GPC6: variants seen among roughly 807,000 people sequenced by gnomAD.
The protein encoded by GPC6 is glypican 6.
GPC6 carries 14 observed loss-of-function variants against 55.2 expected under a neutral mutation model. That is an observed-to-expected ratio of 0.25 (90% CI 0.17 to 0.40). The LOEUF (loss-of-function observed/expected upper bound fraction) is 0.40. Ranked by LOEUF, GPC6 falls within the 10% of genes least tolerant of loss-of-function variation. The probability of loss-of-function intolerance (pLI) is 1.00; values close to 1 mark genes in which losing one functional copy is unlikely to be tolerated. For missense variants in GPC6, 641 were observed against 708.5 expected (o/e 0.90, Z 1.08); for synonymous variants, 278 against 259.6 (o/e 1.07, Z -0.68).
chr13:94,144,052 A>G (rs148747722), intron 4 of GPC6, among the ~76,000 whole-genome samples: 60 of 152,270 alleles, frequency 3.9e-4, no homozygotes, highest in Admixed American at 1.5e-3. Flanking sequence ...AATGGTGAAA[A>G]GAAGACGTTT....
At chr13:94,080,815 A>G (rs543309521) in intron 4 of GPC6, among the ~76,000 whole-genome samples, 1 of 152,312 alleles carries the variant, frequency 6.6e-6, no homozygotes, top group Admixed American at 6.5e-5. Context: ...TTTCTTTCCC[A>G]AAACTTGATC....
chr13:93,353,438 G>C (rs1382863264), intron 1 of GPC6, among the ~76,000 whole-genome samples: 1 of 152,110 alleles, frequency 6.6e-6, no homozygotes, highest in African/African-American at 2.4e-5. Flanking sequence ...GTGGGGTCCT[G>C]GTGTCCCTCG....
chr13:94,276,559 T>A (rs1341037295), intron 4 of GPC6, among the ~76,000 whole-genome samples: 3 of 152,168 alleles, frequency 2.0e-5, no homozygotes, highest in Non-Finnish European at 2.9e-5. Flanking sequence ...GGTGGTTTCC[T>A]GCACCTGTTG....
At chr13:93,596,412 T>A (rs1327184655) in intron 2 of GPC6, among the ~76,000 whole-genome samples, 1 of 151,910 alleles carries the variant, frequency 6.6e-6, no homozygotes, top group East Asian at 1.9e-4. Flanking sequence ...ATTGAGTGAT[T>A]CCATAGTATC....
At chr13:93,559,286 G>A (rs188236711) in intron 2 of GPC6, among the ~76,000 whole-genome samples, 24 of 152,218 alleles carry the variant, frequency 1.6e-4, no homozygotes, top group Non-Finnish European at 3.5e-4. Flanking sequence ...AAAGGCAAAT[G>A]TCTATTGAAA....
chr13:94,202,227 A>C (rs1194256068), intron 4 of GPC6, among the ~76,000 whole-genome samples: 4 of 152,236 alleles, frequency 2.6e-5, no homozygotes, highest in African/African-American at 9.6e-5. Flanking sequence ...TTAGCATATC[A>C]AGAACTAAAT....
chr13:94,024,190 C>T lies in GPC6; in HGVS notation c.712-3539C>T, dbSNP rs576928138. Reference sequence around the variant, plus strand: ...CTGAGGTCTACAGACTAGTTAATAGCAATGTACTAATGTCACTTTCCTCAT... The same window carrying T: ...CTGAGGTCTACAGACTAGTTAATAGTAATGTACTAATGTCACTTTCCTCAT... On this transcript the variant is annotated intron_variant, in intron 3 of 8. Coordinates refer to ENST00000377047, the MANE Select transcript of GPC6 (RefSeq NM_005708.5). Among the ~76,000 whole-genome samples the T allele has an allele frequency of 7.3e-4, 111 of 151,634 alleles. 1 individual carries two copies. In the South Asian group the frequency reaches 0.023, roughly 31 times the overall value.
At chr13:93,272,226 A>T (rs1877554235) in intron 1 of GPC6, among the ~76,000 whole-genome samples, 1 of 152,066 alleles carries the variant, frequency 6.6e-6, no homozygotes, top group African/African-American at 2.4e-5. Flanking sequence ...ATTATAGTTC[A>T]GTGGTAATTT....
chr13:94,317,233 G>C (rs1288495572), intron 6 of GPC6, among the ~76,000 whole-genome samples: 2 of 152,208 alleles, frequency 1.3e-5, no homozygotes, highest in Non-Finnish European at 2.9e-5. Context: ...ATTTATGCAT[G>C]ATGAGGCAGG....
intron 2 of GPC6, among the ~76,000 whole-genome samples, chr13:93,654,997 C>T (rs891243861): frequency 7.9e-6 from 1 of 125,838 alleles, no homozygotes; most frequent in East Asian, 2.4e-4. Context: ...CTACCATGCC[C>T]GGCTAATTTT....
At chr13:93,444,482 C>A (rs1877924793) in intron 1 of GPC6, among the ~76,000 whole-genome samples, 1 of 152,082 alleles carries the variant, frequency 6.6e-6, no homozygotes, top group Admixed American at 6.6e-5. Flanking sequence ...TGGCATGAGC[C>A]TGTAGTCCCA....
chr13:94,328,142 A>C (rs1877220664), intron 6 of GPC6, among the ~76,000 whole-genome samples: 1 of 152,102 alleles, frequency 6.6e-6, no homozygotes, highest in Non-Finnish European at 1.5e-5. Context: ...TACATGAGAA[A>C]CTTATTAAAA....
intron 4 of GPC6, among the ~76,000 whole-genome samples, chr13:94,213,283 A>G (rs1356268331): frequency 2.6e-5 from 4 of 152,234 alleles, no homozygotes; most frequent in African/African-American, 9.6e-5. Flanking sequence ...CAGCATGACT[A>G]AGGTCAATAA....
At chr13:93,675,510 C>T (rs779874636) in intron 2 of GPC6, among the ~76,000 whole-genome samples, 1 of 152,070 alleles carries the variant, frequency 6.6e-6, no homozygotes, top group Non-Finnish European at 1.5e-5. Context: ...TAGTTGTATA[C>T]TTCACCATTG....
rs543665866 is a variant in GPC6 at position 93,967,419 on chromosome 13, A to G, written c.712-60310A>G. ...AAAACTGTACTGTTTCCCAGCACCA[A>G]ATATGCTTACATATTGGAAATGATT... On this transcript the variant is annotated intron_variant, in intron 3 of 8. Coordinates refer to ENST00000377047, the MANE Select transcript of GPC6 (RefSeq NM_005708.5). 2.3e-3 allele frequency among the ~76,000 whole-genome samples: 343 copies of G among 152,346 alleles called. 1 individual carries two copies. The highest frequency in any genetic ancestry group is 3.9e-3 in the Non-Finnish European group (265 of 68,028).
intron 2 of GPC6, among the ~76,000 whole-genome samples, chr13:93,790,606 C>T (rs573688682): frequency 4.7e-4 from 71 of 152,236 alleles, no homozygotes; most frequent in African/African-American, 1.0e-3. Flanking sequence ...AGTTATCTCC[C>T]TTTAATTCAA....
At chr13:93,739,499 G>A (rs1049883815) in intron 2 of GPC6, among the ~76,000 whole-genome samples, 2 of 147,210 alleles carry the variant, frequency 1.4e-5, no homozygotes, top group African/African-American at 2.5e-5. Context: ...GTGCGATTTC[G>A]GCTCACTGCA....
chr13:94,054,795 A>G (rs78766745), intron 4 of GPC6, among the ~76,000 whole-genome samples: 20,275 of 152,148 alleles, frequency 0.13, 1,734 homozygotes, highest in South Asian at 0.21. Flanking sequence ...AATTTCTTAT[A>G]TTAATCTGTC....
intron 1 of GPC6, chr13:93,395,388 C>A: frequency 3.0e-6 from 1 of 335,334 alleles, no homozygotes; most frequent in Non-Finnish European, 5.7e-6. Context: ...ACAATCTTAT[C>A]CACAGAATCA....
Sources: allele counts gnomAD v4.1 joint callset (sites outside exome capture counted in the v4.1 genomes callset), GRCh38; gene constraint gnomAD v4.1.1; transcripts MANE v1.5; gene names NCBI Gene and HGNC (gene_info 2026-07-23, HGNC 2026-07-21).